The following KIAA1549L variants were observed in gnomAD, a reference collection of about 807,000 sequenced individuals.
The protein encoded by KIAA1549L is UPF0606 protein KIAA1549L.
In KIAA1549L, 88 loss-of-function variants were observed where a neutral mutation model predicts 160.7. The ratio of observed to expected loss-of-function variants is 0.55; its 90% CI spans 0.46 to 0.65. The LOEUF is 0.65. Among genes scored for constraint, KIAA1549L ranks in the 30% least tolerant of loss-of-function variants. KIAA1549L has a pLI of 0.00. For synonymous variants in KIAA1549L, 950 were observed against 976.7 expected (o/e 0.97, Z 0.51); for missense variants, 2,258 against 2,437.5 (o/e 0.93, Z 1.55).
intron 1 of KIAA1549L, among the ~76,000 whole-genome samples, chr11:33,479,235 C>T (rs994143058): frequency 2.6e-5 from 4 of 152,162 alleles, no homozygotes; most frequent in African/African-American, 4.8e-5. Flanking sequence ...CCTTCAGCTG[C>T]ACTTGTAGCA....
chr11:33,381,237 G>T (rs1850069028), intron 1 of KIAA1549L, among the ~76,000 whole-genome samples: 1 of 152,150 alleles, frequency 6.6e-6, no homozygotes, highest in African/African-American at 2.4e-5. Flanking sequence ...GTGGCAATAA[G>T]CAAATACCTG....
rs938750151 is a variant in KIAA1549L at position 33,494,261 on chromosome 11, A to G, written c.239-47541A>G. On this transcript the variant is annotated intron_variant, in intron 1 of 20. Transcript: ENST00000658780. ...GTTTTACTCTGAACCCAATGCAAGA[A>G]AACCAAAACTTAATGGATTTGACAG... is the stretch of plus-strand genomic sequence containing the variant. Among the ~76,000 whole-genome samples, 14 of 152,268 alleles carry G rather than the reference A, an allele frequency of 9.2e-5. No individual in the cohort carries two copies. In the East Asian group the frequency reaches 2.7e-3, roughly 29 times the overall value.
chr11:33,491,659 TAGA>T (rs1394891352), intron 1 of KIAA1549L, among the ~76,000 whole-genome samples: 1 of 152,236 alleles, frequency 6.6e-6, no homozygotes, highest in Non-Finnish European at 1.5e-5. Flanking sequence ...AATTTTTCTA[TAGA>T]AGAAGCCCTG....
In KIAA1549L at chr11:33,591,333, C is replaced by A. The variant is rs1188102318; in HGVS notation, c.4663C>A (p.Leu1555Met). The A allele has an allele frequency of 6.2e-7, 1 of 1,613,680 alleles. No individual in the cohort carries two copies. The highest frequency in any genetic ancestry group is 2.2e-5 in the East Asian group (1 of 44,870). ...PVTQETVVLP[L>M]PIRDAPQERD... ...GACTCAGGAGACAGTGGTTCTCCCA[C>A]TGCCCATTAGAGATGCTCCTCAGGA... The change falls in exon 12 of 21, where the codon CTG becomes ATG. Residue 1555 changes from leucine (L) to methionine (M), a missense_variant. Transcript: ENST00000658780.
intron 1 of KIAA1549L, among the ~76,000 whole-genome samples, chr11:33,399,523 G>A (rs1406308221): frequency 6.6e-6 from 1 of 152,094 alleles, no homozygotes; most frequent in Non-Finnish European, 1.5e-5. Flanking sequence ...GAGACTCCAG[G>A]AGATGAGCTG....
Position 33,591,396 on chromosome 11 carries a change from G to A in KIAA1549L, c.4726G>A (p.Ala1576Thr), listed in dbSNP as rs763815410. 1.4e-5 allele frequency: 22 copies of A among 1,605,992 alleles called. No homozygotes were observed. The highest frequency in any genetic ancestry group is 1.7e-4 in the Middle Eastern group (1 of 6,030). ...TCAGGATGGAAGCACCATCAAGACC[G>A]CCAAATCCACTGAAACCAGGAAGAG... ...VAQDGSTIKT[A>T]KSTETRKSRS... The change falls in exon 12 of 21, where the codon GCC becomes ACC. Residue 1576 changes from alanine (A) to threonine (T), a missense_variant. Around this residue, in one of 6 missense-constraint regions of KIAA1549L, gnomAD observed 1,359 missense variants for 1,546.6 expected, o/e 0.88. Transcript: ENST00000658780.
At chr11:33,434,025 G>T (rs1046668681) in intron 1 of KIAA1549L, among the ~76,000 whole-genome samples, 2 of 151,828 alleles carry the variant, frequency 1.3e-5, no homozygotes, top group African/African-American at 4.8e-5. Context: ...CATGTAACCT[G>T]CACGTTCTGC....
chr11:33,528,411 A>T (rs1225747153), intron 1 of KIAA1549L, among the ~76,000 whole-genome samples: 1 of 152,264 alleles, frequency 6.6e-6, no homozygotes, highest in Admixed American at 6.5e-5. Context: ...TATAGAAAAC[A>T]GTATGGAGAT....
chr11:33,377,541 A>C (rs1849981615), intron 1 of KIAA1549L, among the ~76,000 whole-genome samples: 1 of 152,152 alleles, frequency 6.6e-6, no homozygotes, highest in Non-Finnish European at 1.5e-5. Context: ...ATCTGTTGTA[A>C]GTATTCTAGG....
At chr11:33,648,158 C>CT (rs141100992) in intron 17 of KIAA1549L, among the ~76,000 whole-genome samples, 10,426 of 150,728 alleles carry the variant, frequency 0.069, 1,211 homozygotes, top group African/African-American at 0.24. Flanking sequence ...CCACACCCAG[C>CT]TTTTTTTTTG....
At chr11:33,550,770 C>T (rs1018135975) in intron 4 of KIAA1549L, among the ~76,000 whole-genome samples, 1 of 152,142 alleles carries the variant, frequency 6.6e-6, no homozygotes, top group Admixed American at 6.5e-5. Context: ...TTGATGGTCA[C>T]AGGATTATAC....
At chr11:33,562,986 T>G (rs1278268732) in intron 8 of KIAA1549L, among the ~76,000 whole-genome samples, 1 of 151,974 alleles carries the variant, frequency 6.6e-6, no homozygotes, top group African/African-American at 2.4e-5. Flanking sequence ...TGGCCTAACT[T>G]CATTACCTCT....
chr11:33,464,697 T>C (rs1270215058), intron 1 of KIAA1549L, among the ~76,000 whole-genome samples: 2 of 152,124 alleles, frequency 1.3e-5, no homozygotes, highest in African/African-American at 4.8e-5. Context: ...TGTTTCTAGA[T>C]CCACATCTGT....
chr11:33,585,344 C>T (rs1855777690), intron 11 of KIAA1549L, among the ~76,000 whole-genome samples: 1 of 152,036 alleles, frequency 6.6e-6, no homozygotes, highest in Non-Finnish European at 1.5e-5. Flanking sequence ...CATGGAGAAA[C>T]CTCATCTCTA....
chr11:33,582,803 C>G (rs941241831), intron 10 of KIAA1549L, among the ~76,000 whole-genome samples: 1 of 152,130 alleles, frequency 6.6e-6, no homozygotes, highest in Admixed American at 6.5e-5. Context: ...TTGACTAGAC[C>G]GAGGCATTTC....
At chr11:33,639,034 T>C (rs1851516927) in intron 16 of KIAA1549L, among the ~76,000 whole-genome samples, 1 of 152,228 alleles carries the variant, frequency 6.6e-6, no homozygotes, top group Non-Finnish European at 1.5e-5. Flanking sequence ...AATATTTTCT[T>C]GTGGTTGGTA....
chr11:33,465,718 A>G (rs1237785286), intron 1 of KIAA1549L, among the ~76,000 whole-genome samples: 1 of 152,236 alleles, frequency 6.6e-6, no homozygotes, highest in Non-Finnish European at 1.5e-5. Context: ...ATCTTCGACA[A>G]ACCTGACAAA....
chr11:33,405,881 A>G (rs1850640175), intron 1 of KIAA1549L, among the ~76,000 whole-genome samples: 1 of 150,038 alleles, frequency 6.7e-6, no homozygotes, highest in Non-Finnish European at 1.5e-5. Context: ...CTCTACTAGG[A>G]ATAGTGTTTT....
intron 1 of KIAA1549L, among the ~76,000 whole-genome samples, chr11:33,502,153 C>A (rs1833216881): frequency 6.6e-6 from 1 of 152,272 alleles, no homozygotes; most frequent in South Asian, 2.1e-4. Context: ...CTTCATTTTC[C>A]CCTCTTGTTA....
Sources: gnomAD v4.1 joint callset for allele counts (sites outside exome capture counted in the v4.1 genomes callset) on GRCh38, gnomAD v4.1.1 for gene constraint, gnomAD v4.1.1 regional missense constraint, MANE v1.5 for transcripts, NCBI Gene and HGNC (gene_info 2026-07-23, HGNC 2026-07-21) for gene names.